Variants in BMPR2 observed in about 807,000 individuals in gnomAD.
The protein encoded by BMPR2 is bone morphogenetic protein receptor type 2, also known as bone morphogenetic protein receptor type-2.
A neutral mutation model predicts 100.8 loss-of-function variants in BMPR2; 29 were observed. The observed-to-expected ratio is 0.29, with a 90% CI of 0.21 to 0.39. The LOEUF (loss-of-function observed/expected upper bound fraction) is 0.39. Ranked by LOEUF, BMPR2 falls within the 10% of genes least tolerant of loss-of-function variation. The pLI is 1.00. For synonymous variants in BMPR2, 382 were observed against 442.3 expected (o/e 0.86, Z 1.71); for missense variants, 1,011 against 1,274.5 (o/e 0.79, Z 3.15).
At chr2:202,507,421 GCT>G (rs1687541534) in intron 3 of BMPR2, among the ~76,000 whole-genome samples, 2 of 152,140 alleles carry the variant, frequency 1.3e-5, no homozygotes, top group African/African-American at 4.8e-5. Flanking sequence ...ACAGCATCTT[GCT>G]CTGTCACCCA....
intron 9 of BMPR2, among the ~76,000 whole-genome samples, chr2:202,533,169 T>A (rs991067866): frequency 5.9e-5 from 9 of 152,136 alleles, no homozygotes; most frequent in African/African-American, 2.2e-4. Flanking sequence ...CCCTCCTTCC[T>A]TCTTTCCTTC....
intron 10 of BMPR2, among the ~76,000 whole-genome samples, chr2:202,551,696 GC>G (rs1688480693): frequency 6.6e-6 from 1 of 152,000 alleles, no homozygotes; most frequent in African/African-American, 2.4e-5. Flanking sequence ...TTGAAATGAG[GC>G]ACTCTTTTTT....
intron 1 of BMPR2, 120 bp from the exon 2 acceptor site, chr2:202,464,689 G>A (rs1692283873): frequency 2.2e-6 from 2 of 929,056 alleles, no homozygotes; most frequent in Admixed American, 3.1e-5. Flanking sequence ...TTTATGTAAA[G>A]ATTTCAGTTC....
chr2:202,451,496 C>T (rs190143870), intron 1 of BMPR2, among the ~76,000 whole-genome samples: 208 of 152,186 alleles, frequency 1.4e-3, no homozygotes, highest in African/African-American at 4.8e-3. Context: ...GTTAGGAGTT[C>T]GAGACCAGCC....
At chr2:202,481,683 A>G (rs557987386) in intron 3 of BMPR2, among the ~76,000 whole-genome samples, 3 of 152,230 alleles carry the variant, frequency 2.0e-5, no homozygotes, top group South Asian at 4.2e-4. Context: ...ATTTATTTCA[A>G]CAATGTTTTA....
intron 1 of BMPR2, among the ~76,000 whole-genome samples, chr2:202,426,025 C>CA (rs1307495687): frequency 6.6e-6 from 1 of 152,118 alleles, no homozygotes; most frequent in Non-Finnish European, 1.5e-5. Flanking sequence ...AGGCAATTCA[C>CA]AAAATAGGAA....
At chr2:202,557,762 A>C (rs1432854326) in intron 12 of BMPR2, among the ~76,000 whole-genome samples, 2 of 152,224 alleles carry the variant, frequency 1.3e-5, no homozygotes, top group Non-Finnish European at 2.9e-5. Context: ...ATAATTAAAA[A>C]GTCAGTGTCA....
Position 202,394,726 on chromosome 2 carries a change from A to C in BMPR2, c.76+17176A>C, listed in dbSNP as rs1047377003. ...ACGTGCTTTATTTAACCTGATTCTT[A>C]TATCAGCTTTCTTTTTCATATATTT... On this transcript the variant is annotated intron_variant, in intron 1 of 12. Transcript: ENST00000374580. Among the ~76,000 whole-genome samples the C allele has an allele frequency of 4.6e-5, 7 of 152,144 alleles. No individual in the cohort carries two copies. In the South Asian group the frequency reaches 1.5e-3, roughly 32 times the overall value.
At chr2:202,440,452 T>C (rs1305990385) in intron 1 of BMPR2, among the ~76,000 whole-genome samples, 2 of 143,290 alleles carry the variant, frequency 1.4e-5, no homozygotes, top group Non-Finnish European at 3.0e-5. Context: ...ACGGGATGGC[T>C]GCCGGGAAGA....
chr2:202,410,725 G>GC (rs925124173), intron 1 of BMPR2, among the ~76,000 whole-genome samples: 4 of 151,850 alleles, frequency 2.6e-5, no homozygotes, highest in African/African-American at 9.7e-5. Flanking sequence ...GACTACAGGC[G>GC]CCCGCTGCCA....
At chr2:202,501,084 C>T (rs1687378449) in intron 3 of BMPR2, among the ~76,000 whole-genome samples, 2 of 152,220 alleles carry the variant, frequency 1.3e-5, no homozygotes, top group Non-Finnish European at 1.5e-5. Flanking sequence ...CAGCAGGCTA[C>T]TCTAGATCTC....
At chr2:202,422,064 AC>A (rs1275377788) in intron 1 of BMPR2, among the ~76,000 whole-genome samples, 4 of 151,884 alleles carry the variant, frequency 2.6e-5, no homozygotes, top group Admixed American at 2.0e-4. Flanking sequence ...ACAAACCACC[AC>A]ACCCAGCTAA....
chr2:202,434,891 AAAAAAAAAAAAAAAAAAAT>A (rs1313766482), intron 1 of BMPR2, among the ~76,000 whole-genome samples: 1 of 63,066 alleles, frequency 1.6e-5, no homozygotes, highest in Non-Finnish European at 2.9e-5. Context: ...AAAAAAAAAA[AAAAAAAAAAAAAAAAAAAT>A]ATATATATAT....
In BMPR2 at chr2:202,563,320, C is replaced by T. The variant is rs1044171495; in HGVS notation, c.*3374C>T. The stretch of plus-strand genomic sequence containing the variant: ...AGCGTGGTGGTGGGCGCCTGTAGTC[C>T]CAGCTACTCAGGAGGCTAAGGCAGG... On this transcript the variant is annotated 3_prime_UTR_variant, in exon 13 of 13. Transcript: ENST00000374580. The T allele has an allele frequency of 1.3e-5, 2 of 151,968 alleles. No homozygotes were observed. The highest frequency in any genetic ancestry group is 4.8e-5 in the African/African-American group (2 of 41,356). 9.4% of individuals were successfully genotyped at this position (151,968 alleles called of 1,614,324 possible).
chr2:202,413,439 G>A (rs556169960), intron 1 of BMPR2, among the ~76,000 whole-genome samples: 1 of 152,208 alleles, frequency 6.6e-6, no homozygotes, highest in South Asian at 2.1e-4. Flanking sequence ...ACAATCACAC[G>A]CACACAAAAC....
At chr2:202,550,082 A>G (rs2106039126) in intron 10 of BMPR2, among the ~76,000 whole-genome samples, 1 of 152,208 alleles carries the variant, frequency 6.6e-6, no homozygotes, top group East Asian at 1.9e-4. Context: ...ATTTTTAAAA[A>G]TTTTTGGCCA....
intron 1 of BMPR2, among the ~76,000 whole-genome samples, chr2:202,419,488 C>T (rs765228499): frequency 3.9e-5 from 6 of 152,128 alleles, no homozygotes; most frequent in Non-Finnish European, 7.3e-5. Context: ...TCCTGAGTAG[C>T]TGGGATTACA....
chr2:202,525,640 C>A (rs1397003522), intron 7 of BMPR2, among the ~76,000 whole-genome samples: 1 of 152,062 alleles, frequency 6.6e-6, no homozygotes, highest in East Asian at 1.9e-4. Flanking sequence ...ACACTTAGCT[C>A]CAAAAGAGGC....
chr2:202,442,430 C>CT (rs200493126), intron 1 of BMPR2, among the ~76,000 whole-genome samples: 3 of 149,514 alleles, frequency 2.0e-5, no homozygotes, highest in South Asian at 2.1e-4. Context: ...TACTTCCTTT[C>CT]TTTTTTTTTA....
Sources: allele counts gnomAD v4.1 joint callset (sites outside exome capture counted in the v4.1 genomes callset), GRCh38; gene constraint gnomAD v4.1.1; transcripts MANE v1.5; gene names NCBI Gene and HGNC (gene_info 2026-07-23, HGNC 2026-07-21).